TYW1B: variants seen among roughly 807,000 people sequenced by gnomAD.
TYW1B encodes the protein S-adenosyl-L-methionine-dependent tRNA 4-demethylwyosine synthase TYW1B.
A neutral mutation model predicts 86.9 loss-of-function variants in TYW1B; 73 were observed. The observed-to-expected ratio is 0.84, with a 90% CI of 0.70 to 1.02. The LOEUF (loss-of-function observed/expected upper bound fraction) is 1.02, where lower values mean the gene tolerates loss of function less well. Ranked by LOEUF, TYW1B falls within the 50% of genes least tolerant of loss-of-function variation. The pLI, the probability that TYW1B is intolerant of heterozygous loss-of-function variation, is 0.00. For synonymous variants in TYW1B, 248 were observed against 292.8 expected, an observed-to-expected ratio of 0.85 and a Z score of 1.56; for missense variants, 637 against 827.4, an observed-to-expected ratio of 0.77 and a Z score of 2.82.
chr7:72,722,043 G>A (rs13237954), intron 9 of TYW1B, among the ~76,000 whole-genome samples: 3 of 152,018 alleles, frequency 2.0e-5, no homozygotes, highest in Non-Finnish European at 2.9e-5. Context: ...ATGCAGTTCC[G>A]GGCCAAAAAT....
rs782423530 is a variant in TYW1B at position 72,816,125 on chromosome 7, C to T, written c.136-644G>A. Among the ~76,000 whole-genome samples the T allele has an allele frequency of 4.0e-4, 61 of 152,072 alleles. 1 individual carries two copies. The highest frequency in any genetic ancestry group is 3.5e-3 in the Admixed American group (53 of 15,250). Reference sequence around the variant, plus strand: ...GGCACAGTGGCTCACAACTGTAATCCCAGTACCTTGGGAGGCCGATGCGGC... The same window carrying T: ...GGCACAGTGGCTCACAACTGTAATCTCAGTACCTTGGGAGGCCGATGCGGC... On this transcript the variant is annotated intron_variant, in intron 2 of 13. Transcript: ENST00000620995.
chr7:72,809,660 T>C (rs533730081), intron 4 of TYW1B, among the ~76,000 whole-genome samples: 7 of 117,410 alleles, frequency 6.0e-5, no homozygotes, highest in South Asian at 2.8e-4. Context: ...CTGAAAAAAA[T>C]AAACATAATT....
At chr7:72,709,435 A>G (rs751214392) in intron 10 of TYW1B, among the ~76,000 whole-genome samples, 21 of 151,984 alleles carry the variant, frequency 1.4e-4, no homozygotes, top group Admixed American at 1.0e-3. Context: ...TTGGGAGGCC[A>G]AGGCGGGCGG....
rs1460975265 is a variant in TYW1B at position 72,653,979 on chromosome 7, C to T, written c.1507-24982G>A. 3.3e-5 allele frequency among the ~76,000 whole-genome samples: 5 copies of T among 150,648 alleles called. No individual in the cohort carries two copies. The East Asian group carries it at 5.9e-4, about 18-fold the overall frequency. On this transcript the variant is annotated intron_variant, in intron 11 of 13. Transcript: ENST00000620995. The stretch of plus-strand genomic sequence containing the variant: ...CCTGCAATCTCAGCTACTCAGGAGG[C>T]GGAGGCAGGAGAATCACATGAACCC...
chr7:72,712,807 T>C (rs1554455032), intron 10 of TYW1B, among the ~76,000 whole-genome samples: 1 of 152,164 alleles, frequency 6.6e-6, no homozygotes. Context: ...GGACCGCATT[T>C]GAAGTCCTAG....
chr7:72,620,756 C>G (rs1812195203), intron 12 of TYW1B, among the ~76,000 whole-genome samples: 1 of 152,218 alleles, frequency 6.6e-6, no homozygotes, highest in Admixed American at 6.5e-5. Flanking sequence ...CACCCTCACC[C>G]TCACCCCCAA....
intron 11 of TYW1B, among the ~76,000 whole-genome samples, chr7:72,689,648 C>T (rs1185457583): frequency 6.6e-6 from 1 of 152,110 alleles, no homozygotes; most frequent in Non-Finnish European, 1.5e-5. Flanking sequence ...AGGAAAAATA[C>T]TTATGACACG....
At chr7:72,718,009 T>C (rs1366678653) in intron 9 of TYW1B, among the ~76,000 whole-genome samples, 24 of 152,124 alleles carry the variant, frequency 1.6e-4, no homozygotes, top group Non-Finnish European at 2.8e-4. Flanking sequence ...AAAAAAAACC[T>C]GTACCCACTC....
chr7:72,596,179 C>CAAAAAA (rs58325295), intron 13 of TYW1B, among the ~76,000 whole-genome samples: 15 of 56,402 alleles, frequency 2.7e-4, no homozygotes, highest in Non-Finnish European at 4.3e-4. Flanking sequence ...AACTCTGTCT[C>CAAAAAA]AAAAAAAAAA....
chr7:72,721,244 T>C (rs1446551860), intron 9 of TYW1B, among the ~76,000 whole-genome samples: 4 of 152,208 alleles, frequency 2.6e-5, no homozygotes, highest in Non-Finnish European at 5.9e-5. Context: ...TGATTTATAA[T>C]CCTTTGGGTA....
chr7:72,709,386 T>A (rs1234058353), intron 10 of TYW1B, among the ~76,000 whole-genome samples: 1 of 152,178 alleles, frequency 6.6e-6, no homozygotes, highest in Non-Finnish European at 1.5e-5. Flanking sequence ...TCCAAAAGCG[T>A]GGCCGAGCGT....
chr7:72,786,118 G>C (rs4717685), intron 6 of TYW1B, among the ~76,000 whole-genome samples: 1 of 151,478 alleles, frequency 6.6e-6, no homozygotes, highest in Admixed American at 6.6e-5. Flanking sequence ...AAAAAAAAGA[G>C]AAGAAAAAAC....
At chr7:72,632,388 G>GTATATATAATATATATATACA (rs1812537319) in intron 11 of TYW1B, among the ~76,000 whole-genome samples, 1 of 70,328 alleles carries the variant, frequency 1.4e-5, no homozygotes, top group East Asian at 3.9e-4. Context: ...ATATATATAC[G>GTATATATAATATATATATACA]TATATATATA....
intron 11 of TYW1B, among the ~76,000 whole-genome samples, chr7:72,653,524 G>A (rs1487625336): frequency 4.0e-5 from 6 of 151,690 alleles, no homozygotes; most frequent in East Asian, 3.9e-4. Context: ...GGAGAATGGC[G>A]TGAACCTGGG....
intron 11 of TYW1B, among the ~76,000 whole-genome samples, chr7:72,634,342 C>CT (rs782580354): frequency 0.35 from 45,796 of 132,250 alleles, 8,110 homozygotes; most frequent in East Asian, 0.53. Flanking sequence ...CCACTCCTAG[C>CT]TTTTTTTTTT....
chr7:72,674,752 T>G (rs1813695831), intron 11 of TYW1B, among the ~76,000 whole-genome samples: 1 of 111,046 alleles, frequency 9.0e-6, no homozygotes, highest in Non-Finnish European at 2.0e-5. Flanking sequence ...AAATTTTCCT[T>G]TTCTCTCTTT....
At chr7:72,708,535 G>C (rs1814665913) in intron 10 of TYW1B, among the ~76,000 whole-genome samples, 1 of 152,100 alleles carries the variant, frequency 6.6e-6, no homozygotes, top group Admixed American at 6.6e-5. Context: ...CTTGCTGTAT[G>C]AGCTGACTTG....
intron 13 of TYW1B, among the ~76,000 whole-genome samples, chr7:72,578,183 G>A (rs1563016647): frequency 2.0e-5 from 3 of 147,746 alleles, no homozygotes; most frequent in African/African-American, 7.5e-5. Flanking sequence ...GCGCAATCTC[G>A]GCTCACTGCA....
chr7:72,808,243 A>G (rs1981615), intron 4 of TYW1B, among the ~76,000 whole-genome samples: 1 of 152,184 alleles, frequency 6.6e-6, no homozygotes, highest in Non-Finnish European at 1.5e-5. Context: ...GCTCAAGCCC[A>G]AGTTCAACAC....
Sources: gnomAD v4.1 joint callset for allele counts (sites outside exome capture counted in the v4.1 genomes callset) on GRCh38, gnomAD v4.1.1 for gene constraint, MANE v1.5 for transcripts, NCBI Gene and HGNC (gene_info 2026-07-23, HGNC 2026-07-21) for gene names.